BCL2: variants seen among roughly 807,000 people sequenced by gnomAD.
BCL2 encodes the protein apoptosis regulator Bcl-2.
A neutral mutation model predicts 14.2 loss-of-function variants in BCL2; 1 was observed. The ratio of observed to expected loss-of-function variants is 0.07; its 90% CI spans 0.02 to 0.33. The LOEUF is 0.33. Among genes scored for constraint, BCL2 ranks in the 10% least tolerant of loss-of-function variants. The pLI is 0.99. For synonymous variants in BCL2, 151 were observed against 137.2 expected, an observed-to-expected ratio of 1.10 and a Z score of -0.70; for missense variants, 247 against 305.9, an observed-to-expected ratio of 0.81 and a Z score of 1.44.
At chr18:63,244,021 A>G (rs1293114528) in intron 2 of BCL2, among the ~76,000 whole-genome samples, 2 of 152,222 alleles carry the variant, frequency 1.3e-5, no homozygotes, top group African/African-American at 4.8e-5. Context: ...CAGCAGGTGG[A>G]TCACTTGAGG....
chr18:63,169,198 C>T (rs1352138871), intron 2 of BCL2, among the ~76,000 whole-genome samples: 1 of 151,750 alleles, frequency 6.6e-6, no homozygotes, highest in African/African-American at 2.4e-5. Context: ...AAACAACAGG[C>T]CCTTGTTTTC....
chr18:63,136,837 G>C (rs1034276022), intron 2 of BCL2, among the ~76,000 whole-genome samples: 8 of 152,230 alleles, frequency 5.3e-5, no homozygotes, highest in African/African-American at 1.9e-4. Context: ...TACCAATCAA[G>C]GAAATAGATA....
intron 2 of BCL2, among the ~76,000 whole-genome samples, chr18:63,290,320 A>G (rs1912609593): frequency 6.6e-6 from 1 of 152,216 alleles, no homozygotes; most frequent in South Asian, 2.1e-4. Context: ...TTTGAGAATC[A>G]GCTGCATACA....
At chr18:63,214,942 C>A (rs1910156523) in intron 2 of BCL2, among the ~76,000 whole-genome samples, 1 of 152,120 alleles carries the variant, frequency 6.6e-6, no homozygotes, top group Non-Finnish European at 1.5e-5. Flanking sequence ...CTCCTGACCT[C>A]AAGTGACCCA....
At chr18:63,197,044 G>C (rs766522841) in intron 2 of BCL2, among the ~76,000 whole-genome samples, 19 of 152,184 alleles carry the variant, frequency 1.2e-4, no homozygotes, top group Non-Finnish European at 2.4e-4. Flanking sequence ...TTCACGTTTT[G>C]ATTTCTTGCA....
intron 2 of BCL2, among the ~76,000 whole-genome samples, chr18:63,136,615 C>T (rs1914216923): frequency 6.6e-6 from 1 of 152,238 alleles, no homozygotes; most frequent in Admixed American, 6.5e-5. Flanking sequence ...CATGAGTTAC[C>T]TCATCAAGCA....
intron 2 of BCL2, among the ~76,000 whole-genome samples, chr18:63,265,400 C>T (rs758048548): frequency 3.1e-4 from 47 of 152,156 alleles, no homozygotes; most frequent in Non-Finnish European, 6.0e-4. Flanking sequence ...ATTACTAACC[C>T]ATTAAACATT....
intron 2 of BCL2, among the ~76,000 whole-genome samples, chr18:63,166,938 C>T (rs1205033245): frequency 6.6e-6 from 1 of 152,210 alleles, no homozygotes; most frequent in Non-Finnish European, 1.5e-5. Context: ...GATGCTGAGA[C>T]TACACGGCAG....
intron 2 of BCL2, among the ~76,000 whole-genome samples, chr18:63,143,729 A>AGCT (rs1914430669): frequency 2.0e-5 from 3 of 152,262 alleles, no homozygotes; most frequent in Admixed American, 2.0e-4. Flanking sequence ...TGGGACTGGC[A>AGCT]GCTGAGTGGT....
intron 2 of BCL2, among the ~76,000 whole-genome samples, chr18:63,146,968 G>A (rs1392445366): frequency 2.0e-5 from 3 of 152,166 alleles, no homozygotes; most frequent in African/African-American, 7.2e-5. Context: ...ACCTTTTGGC[G>A]AGAAAACAAG....
chr18:63,318,419 C>A lies in BCL2; in HGVS notation c.248G>T (p.Gly83Val). The A allele has an allele frequency of 6.7e-7, 1 of 1,497,324 alleles. No homozygotes were observed. The highest frequency in any genetic ancestry group is 8.8e-7 in the Non-Finnish European group (1 of 1,133,332). The allele number at this position is 1,497,324 out of a possible 1,614,324, so 92.8% of individuals were successfully genotyped here. ...AGGTGGCACCGGGCTGAGCGCAGGCCCCGCGGCGGCGCCGGGGGCAGCCGG... is the reference window on the plus strand; with the variant it reads ...AGGTGGCACCGGGCTGAGCGCAGGCACCGCGGCGGCGCCGGGGGCAGCCGG... Reference protein sequence around the residue: ...QTPAAPGAAAGPALSPVPPVV... With the variant: ...QTPAAPGAAAVPALSPVPPVV... Residue 83 changes from glycine (G) to valine (V), a missense_variant, in exon 2 of 3, where the codon GGG becomes GTG. Gly to Val is a moderately radical substitution (Grantham distance 109). This residue lies in a region of BCL2 where 144 missense variants were observed against 135.3 expected (regional missense o/e 1.06). Coordinates refer to ENST00000333681, the MANE Select transcript of BCL2 (RefSeq NM_000633.3). The surrounding 1 kb of genome is among the most constrained non-coding windows in gnomAD (Gnocchi z 7.4).
Position 63,287,731 on chromosome 18 carries a change from G to C in BCL2, c.585+30351C>G, listed in dbSNP as rs190392167. 6.4e-4 allele frequency among the ~76,000 whole-genome samples: 98 copies of C among 152,242 alleles called. 1 individual carries two copies. In the East Asian group the frequency reaches 0.016, roughly 25 times the overall value. On this transcript the variant is annotated intron_variant, in intron 2 of 2. Coordinates refer to ENST00000333681, the MANE Select transcript of BCL2 (RefSeq NM_000633.3). ...CAAGAAGGAATGAGAGGTTGAATTAGAGCAGCAGCAGCAGCAGGATAAAAA... is the reference window on the plus strand; with the variant it reads ...CAAGAAGGAATGAGAGGTTGAATTACAGCAGCAGCAGCAGCAGGATAAAAA...
chr18:63,198,908 TATACAG>T (rs1909582531), intron 2 of BCL2, among the ~76,000 whole-genome samples: 1 of 32,446 alleles, frequency 3.1e-5, no homozygotes, highest in Non-Finnish European at 6.7e-5. Context: ...CACACAGACA[TATACAG>T]ACACACACAG....
Position 63,318,618 on chromosome 18 carries a change from T to C in BCL2, c.49A>G (p.Lys17Glu), listed in dbSNP as rs780634396. 6.2e-7 allele frequency: 1 copy of C among 1,613,182 alleles called. No homozygotes were observed. Among genetic ancestry groups the C allele is most frequent in the Admixed American group, 1.7e-5 (1 of 60,002 alleles). Residue 17 changes from lysine (K) to glutamate (E), a missense_variant, in exon 2 of 3, where the codon AAG becomes GAG. Lys to Glu is a moderately conservative substitution (Grantham distance 56, BLOSUM62 1). Coordinates refer to ENST00000333681, the MANE Select transcript of BCL2 (RefSeq NM_000633.3). The surrounding 1 kb of genome is among the most constrained non-coding windows in gnomAD (Gnocchi z 7.4). ...TGYDNREIVM[K>E]YIHYKLSQRG... ...TGCGACAGCTTATAATGGATGTACT[T>C]CATCACTATCTCCCGGTTATCGTAC...
chr18:63,294,435 G>A (rs986391166), intron 2 of BCL2, among the ~76,000 whole-genome samples: 26 of 152,004 alleles, frequency 1.7e-4, no homozygotes, highest in Non-Finnish European at 8.8e-5. Flanking sequence ...TTGGGAGGCC[G>A]AGGCCGGTAG....
intron 2 of BCL2, among the ~76,000 whole-genome samples, chr18:63,206,939 G>C (rs540553711): frequency 7.9e-5 from 12 of 152,274 alleles, no homozygotes; most frequent in African/African-American, 2.9e-4. Flanking sequence ...ACTTAAAGAC[G>C]GTTTCCAGAT....
chr18:63,318,936 C>T lies in BCL2; in HGVS notation c.-270G>A, dbSNP rs1173223720. The T allele has an allele frequency of 3.0e-6, 4 of 1,350,364 alleles. No individual in the cohort carries two copies. In the East Asian group the frequency reaches 9.6e-5, roughly 32 times the overall value. The allele number at this position is 1,350,364 out of a possible 1,614,324, so 83.6% of individuals were successfully genotyped here. A position where few individuals can be genotyped will look rare whatever the true frequency, so the allele number is the denominator to read the frequency against. On this transcript the variant is annotated 5_prime_UTR_variant, in exon 2 of 3. The change abolishes the stop of an existing upstream ORF in the 5' untranslated region. Coordinates refer to ENST00000333681, the MANE Select transcript of BCL2 (RefSeq NM_000633.3). This position sits in a 1 kb window ranked among gnomAD's most constrained non-coding sequence, Gnocchi z 7.4. ...ATTAGTAAGTATTGTTAATATCAGT[C>T]TACTTCCTCTGTGATGCTGAAAGGT...
intron 2 of BCL2, among the ~76,000 whole-genome samples, chr18:63,137,826 G>A (rs1042580026): frequency 1.3e-5 from 2 of 152,218 alleles, no homozygotes; most frequent in Non-Finnish European, 2.9e-5. Flanking sequence ...TGCCTAAGAG[G>A]GTGAAAGGAC....
Position 63,125,626 on chromosome 18 carries a change from A to G in BCL2, c.*2999T>C, listed in dbSNP as rs1028702174. 8 of 212,872 alleles carry G rather than the reference A, an allele frequency of 3.8e-5. No homozygotes were observed. Among genetic ancestry groups the G allele is most frequent in the African/African-American group, 6.8e-5 (3 of 44,212 alleles). The allele number at this position is 212,872 out of a possible 1,614,324, so 13.2% of individuals were successfully genotyped here. Reference sequence around the variant, plus strand: ...GCAGATGTGAATCCCTCTTCAATACAAAATAGGGATGGTTCTCTGTTGCCC... The same window carrying G: ...GCAGATGTGAATCCCTCTTCAATACGAAATAGGGATGGTTCTCTGTTGCCC... On this transcript the variant is annotated 3_prime_UTR_variant, in exon 3 of 3. Transcript: ENST00000333681.
Sources: gnomAD v4.1 joint callset for allele counts (sites outside exome capture counted in the v4.1 genomes callset) on GRCh38, gnomAD v4.1.1 for gene constraint, gnomAD v4.1.1 regional missense constraint, Gnocchi (gnomAD v3.1) non-coding constraint, MANE v1.5 for transcripts, NCBI Gene and HGNC (gene_info 2026-07-23, HGNC 2026-07-21) for gene names.